The following MTUS2 variants were observed in gnomAD, a reference collection of about 807,000 sequenced individuals.
MTUS2 encodes microtubule-associated tumor suppressor candidate 2.
MTUS2 carries 40 observed loss-of-function variants against 114.1 expected under a neutral mutation model. That is an observed-to-expected ratio of 0.35 (90% CI 0.27 to 0.46). The LOEUF (loss-of-function observed/expected upper bound fraction) is 0.46, where lower values mean the gene tolerates loss of function less well. Ranked by LOEUF, MTUS2 falls within the 20% of genes least tolerant of loss-of-function variation. MTUS2 has a pLI of 1.00. For synonymous variants in MTUS2, 688 were observed against 672.0 expected, an observed-to-expected ratio of 1.02 and a Z score of -0.37; for missense variants, 1,679 against 1,705.4, an observed-to-expected ratio of 0.98 and a Z score of 0.27.
At chr13:29,327,449 C>G (rs912573181) in intron 7 of MTUS2, among the ~76,000 whole-genome samples, 11 of 152,100 alleles carry the variant, frequency 7.2e-5, no homozygotes, top group African/African-American at 2.7e-4. Flanking sequence ...TGTTCTGTCA[C>G]TAGAGATTAG....
chr13:29,387,060 C>T (rs1351516174), intron 8 of MTUS2, among the ~76,000 whole-genome samples: 1 of 152,182 alleles, frequency 6.6e-6, no homozygotes, highest in East Asian at 1.9e-4. Flanking sequence ...AGGCAGGATG[C>T]TAGGCACTGG....
intron 5 of MTUS2, among the ~76,000 whole-genome samples, chr13:29,162,868 C>T (rs1470172097): frequency 6.6e-6 from 1 of 152,198 alleles, no homozygotes; most frequent in African/African-American, 2.4e-5. Flanking sequence ...CTTGCTGCTG[C>T]TCATTGGTGC....
chr13:29,078,430 C>CT (rs1171176211), intron 4 of MTUS2, among the ~76,000 whole-genome samples: 1 of 152,184 alleles, frequency 6.6e-6, no homozygotes, highest in African/African-American at 2.4e-5. Flanking sequence ...ATAGCTCTGT[C>CT]TTAATGTAAG....
rs574627057 is a variant in MTUS2 at position 29,332,881 on chromosome 13, C to T, written c.2905+8170C>T. ...TGATCTCCTGACCTCGTGATCTGCG[C>T]GTCTCGGCCTCCCAAAGTGCTGGGA... On this transcript the variant is annotated intron_variant, in intron 7 of 15. Coordinates refer to ENST00000612955, the MANE Select transcript of MTUS2 (RefSeq NM_001033602.4). Among the ~76,000 whole-genome samples, 708 of 152,190 alleles carry T rather than the reference C, an allele frequency of 4.7e-3. 6 individuals carry two copies. The highest frequency in any genetic ancestry group is 0.016 in the African/African-American group (659 of 41,524).
intron 5 of MTUS2, among the ~76,000 whole-genome samples, chr13:29,196,474 A>G (rs1372822810): frequency 6.6e-6 from 1 of 151,978 alleles, no homozygotes; most frequent in African/African-American, 2.4e-5. Flanking sequence ...ATAACATCAA[A>G]TTTACTATCT....
At chr13:29,321,620 C>T (rs1185118763) in intron 6 of MTUS2, among the ~76,000 whole-genome samples, 1 of 152,130 alleles carries the variant, frequency 6.6e-6, no homozygotes, top group Non-Finnish European at 1.5e-5. Flanking sequence ...TGTCCTTATC[C>T]TTTTATGGAT....
At chr13:29,407,354 A>C (rs963369527) in intron 8 of MTUS2, among the ~76,000 whole-genome samples, 1 of 152,146 alleles carries the variant, frequency 6.6e-6, no homozygotes, top group African/African-American at 2.4e-5. Flanking sequence ...GTTTCTCTCT[A>C]AAGTATATAT....
At chr13:29,296,968 A>G (rs1475428908) in intron 6 of MTUS2, among the ~76,000 whole-genome samples, 2 of 151,944 alleles carry the variant, frequency 1.3e-5, no homozygotes. Flanking sequence ...CTATTTGTAT[A>G]TTTTTGCTTT....
intron 9 of MTUS2, among the ~76,000 whole-genome samples, chr13:29,476,332 T>C (rs1880699965): frequency 6.7e-6 from 1 of 149,268 alleles, no homozygotes; most frequent in Non-Finnish European, 1.5e-5. Context: ...TATGTATGTG[T>C]GTTTGTATAT....
intron 2 of MTUS2, among the ~76,000 whole-genome samples, chr13:28,851,853 G>A (rs1210481004): frequency 6.6e-6 from 1 of 152,168 alleles, no homozygotes; most frequent in Non-Finnish European, 1.5e-5. Context: ...CCGCTTCCTG[G>A]AGCGGGTGGC....
At chr13:28,941,601 C>T (rs1245688501) in intron 2 of MTUS2, among the ~76,000 whole-genome samples, 1 of 151,426 alleles carries the variant, frequency 6.6e-6, no homozygotes, top group Non-Finnish European at 1.5e-5. Flanking sequence ...TAGAAGACAA[C>T]ATTTCTGTTT....
intron 5 of MTUS2, among the ~76,000 whole-genome samples, chr13:29,255,100 G>T (rs1897250971): frequency 6.6e-6 from 1 of 152,132 alleles, no homozygotes; most frequent in Admixed American, 6.5e-5. Context: ...ACATGCATCG[G>T]CAGTAAGTAT....
intron 8 of MTUS2, among the ~76,000 whole-genome samples, chr13:29,412,564 G>A (rs933836145): frequency 2.0e-5 from 3 of 152,002 alleles, no homozygotes; most frequent in Non-Finnish European, 4.4e-5. Flanking sequence ...TCAGGTTTAG[G>A]TATAAAAATT....
intron 8 of MTUS2, among the ~76,000 whole-genome samples, chr13:29,410,813 T>TTTTGTTTGTTTGTTTG (rs58667275): frequency 1.1e-4 from 16 of 150,388 alleles, no homozygotes; most frequent in East Asian, 2.0e-4. Context: ...ACACTATTGG[T>TTTTGTTTGTTTGTTTG]TTTGTTTGTT....
intron 5 of MTUS2, among the ~76,000 whole-genome samples, chr13:29,184,065 T>G (rs1894118953): frequency 6.6e-6 from 1 of 152,242 alleles, no homozygotes. Context: ...TTTTGCACAT[T>G]TCAAAGTAAG....
At chr13:29,171,214 G>A (rs891690566) in intron 5 of MTUS2, among the ~76,000 whole-genome samples, 3 of 152,044 alleles carry the variant, frequency 2.0e-5, no homozygotes, top group African/African-American at 7.2e-5. Context: ...GGTTAATGTA[G>A]GGCTAACAAG....
intron 5 of MTUS2, among the ~76,000 whole-genome samples, chr13:29,273,731 C>G (rs1487302055): frequency 1.3e-5 from 2 of 152,192 alleles, no homozygotes; most frequent in African/African-American, 2.4e-5. Flanking sequence ...CTGAAAGCCA[C>G]TCATCAACTT....
intron 2 of MTUS2, among the ~76,000 whole-genome samples, chr13:28,854,807 G>T (rs1876516199): frequency 6.6e-6 from 1 of 152,138 alleles, no homozygotes; most frequent in Admixed American, 6.5e-5. Flanking sequence ...AGTGGGAGGA[G>T]CCAGAGAATG....
intron 5 of MTUS2, among the ~76,000 whole-genome samples, chr13:29,205,461 T>C (rs1429263193): frequency 1.3e-5 from 2 of 152,126 alleles, no homozygotes; most frequent in East Asian, 1.9e-4. Context: ...TTTAATTACA[T>C]GTATAAGTTC....
Sources: gnomAD v4.1 joint callset for allele counts (sites outside exome capture counted in the v4.1 genomes callset) on GRCh38, gnomAD v4.1.1 for gene constraint, MANE v1.5 for transcripts, NCBI Gene and HGNC (gene_info 2026-07-23, HGNC 2026-07-21) for gene names.